Variants in ESRRB observed in about 807,000 individuals in gnomAD.
ESRRB encodes estrogen related receptor beta.
In ESRRB, 16 loss-of-function variants were observed where a neutral mutation model predicts 46.0. The observed-to-expected ratio is 0.35, with a 90% CI of 0.24 to 0.53. The LOEUF (loss-of-function observed/expected upper bound fraction) is 0.53. Ranked by LOEUF, ESRRB falls within the 20% of genes least tolerant of loss-of-function variation. The pLI, the probability that ESRRB is intolerant of heterozygous loss-of-function variation, is 0.93. For missense variants in ESRRB, 488 were observed against 607.4 expected, an observed-to-expected ratio of 0.80 and a Z score of 2.07; for synonymous variants, 246 against 259.6, an observed-to-expected ratio of 0.95 and a Z score of 0.50.
intron 1 of ESRRB, among the ~76,000 whole-genome samples, chr14:76,362,841 T>C (rs913572384): frequency 2.6e-5 from 4 of 152,234 alleles, no homozygotes; most frequent in African/African-American, 7.2e-5. Flanking sequence ...TGTTGCTTTC[T>C]ACAGCAAGTT....
intron 2 of ESRRB, among the ~76,000 whole-genome samples, chr14:76,444,786 A>AT (rs1003777274): frequency 6.6e-6 from 1 of 151,902 alleles, no homozygotes; most frequent in South Asian, 2.1e-4. Context: ...TATTCAGGTC[A>AT]TTTTTTTTAA....
chr14:76,490,204 C>G (rs374032342), intron 5 of ESRRB, among the ~76,000 whole-genome samples: 1 of 152,182 alleles, frequency 6.6e-6, no homozygotes, highest in African/African-American at 2.4e-5. Flanking sequence ...CCAGCATGTC[C>G]GTGTTAGAAC....
intron 1 of ESRRB, among the ~76,000 whole-genome samples, chr14:76,389,810 A>T (rs1177424502): frequency 6.6e-6 from 1 of 152,240 alleles, no homozygotes; most frequent in Non-Finnish European, 1.5e-5. Context: ...ACATTGTATT[A>T]AAAACAAAGG....
chr14:76,400,942 C>G (rs548175872), intron 1 of ESRRB, among the ~76,000 whole-genome samples: 2 of 152,282 alleles, frequency 1.3e-5, no homozygotes, highest in East Asian at 3.9e-4. Context: ...GAGTGTGGTC[C>G]TCTCGCTCTC....
In ESRRB at chr14:76,404,990, A is replaced by G. The variant is rs373183179; in HGVS notation, c.50+28539A>G. ...TCTGGTTGCATCGTTTTCTAAAGCA[A>G]TTTCCTGAGTTTTTGCCCTCCTGTG... On this transcript the variant is annotated intron_variant, in intron 1 of 6. Transcript: ENST00000644823. Among the ~76,000 whole-genome samples the G allele has an allele frequency of 3.3e-4, 50 of 152,248 alleles. 1 individual carries two copies. The highest frequency in any genetic ancestry group is 1.1e-3 in the African/African-American group (46 of 41,562).
intron 1 of ESRRB, among the ~76,000 whole-genome samples, chr14:76,419,304 C>T (rs766803880): frequency 1.5e-4 from 23 of 152,160 alleles, no homozygotes; most frequent in Non-Finnish European, 2.8e-4. Flanking sequence ...AGTGAGCCAC[C>T]GCACACGGCT....
intron 2 of ESRRB, among the ~76,000 whole-genome samples, chr14:76,445,342 A>C (rs1256282587): frequency 4.0e-5 from 6 of 149,868 alleles, no homozygotes; most frequent in Admixed American, 2.7e-4. Flanking sequence ...GTGGTGGCGC[A>C]TGCCTGTAAT....
At position 76,354,253 on chromosome 14, in the gene ESRRB, C is replaced by T. The variant is rs1246247170; in HGVS notation, c.2+43337C>T. 1.5e-4 allele frequency among the ~76,000 whole-genome samples: 21 copies of T among 143,984 alleles called. 2 individuals carry two copies. In the Admixed American group the frequency reaches 1.5e-3, roughly 10 times the overall value. 94.5% of individuals were successfully genotyped at this position (143,984 alleles called of 152,430 possible). A position where few individuals can be genotyped will look rare whatever the true frequency, so the allele number is the denominator to read the frequency against. On this transcript the variant is annotated intron_variant, in intron 1 of 6. Transcript: ENST00000512784. ...CCCCCCCCACCCACACTTCCACCCT[C>T]ACCTCTCCATGTGCCTGTCATTAGT...
At chr14:76,439,804 C>A (rs1035296646) in intron 2 of ESRRB, 54 bp downstream of exon 2, 301 of 1,586,386 alleles carry the variant, frequency 1.9e-4, no homozygotes, top group Middle Eastern at 1.4e-3. Context: ...GGCAGCCGTG[C>A]CTGCGGGTCT....
chr14:76,317,308 CTCTGTGTGTGTGTGTGTG>C (rs1261631956), intron 1 of ESRRB, among the ~76,000 whole-genome samples: 5 of 125,148 alleles, frequency 4.0e-5, no homozygotes, highest in African/African-American at 1.6e-4. Context: ...GCTGATTAGG[CTCTGTGTGTGTGTGTGTG>C]TGTGTGTGTG....
chr14:76,332,756 TATA>T (rs1884043277), intron 1 of ESRRB, among the ~76,000 whole-genome samples: 2 of 13,542 alleles, frequency 1.5e-4, no homozygotes, highest in African/African-American at 2.7e-4. Flanking sequence ...ATATATTATA[TATA>T]AATATATAAT....
intron 1 of ESRRB, among the ~76,000 whole-genome samples, chr14:76,339,676 G>A (rs554209412): frequency 5.3e-5 from 8 of 152,274 alleles, no homozygotes; most frequent in South Asian, 4.1e-4. Flanking sequence ...GGCCAGACTC[G>A]CCTTGGTCTG....
intron 1 of ESRRB, among the ~76,000 whole-genome samples, chr14:76,403,921 GT>G (rs1177605797): frequency 4.6e-5 from 7 of 151,910 alleles, no homozygotes; most frequent in Non-Finnish European, 1.0e-4. Flanking sequence ...GTTTCACCAC[GT>G]TGGCCAGGCT....
intron 5 of ESRRB, 83 bp from the exon 6 acceptor site, chr14:76,491,364 C>T: frequency 1.4e-6 from 2 of 1,450,234 alleles, no homozygotes; most frequent in South Asian, 1.2e-5. Flanking sequence ...CGCCCTGCAA[C>T]CTCTGCCCCC....
chr14:76,499,308 C>T lies in ESRRB; in HGVS notation c.*850C>T. On this transcript the variant is annotated 3_prime_UTR_variant, in exon 7 of 7. Coordinates refer to ENST00000644823, the MANE Select transcript of ESRRB (RefSeq NM_001379180.1). The stretch of plus-strand genomic sequence containing the variant: ...TCCTCCCAAGAACCCTCTCCCTCTT[C>T]CTGCCTTCCCCCTCTCCCTGAAGGG... The T allele has an allele frequency of 4.1e-6, 1 of 241,978 alleles. No homozygotes were observed. The highest frequency in any genetic ancestry group is 6.0e-5 in the South Asian group (1 of 16,694). 15.0% of individuals were successfully genotyped at this position (241,978 alleles called of 1,614,324 possible). A position where few individuals can be genotyped will look rare whatever the true frequency, so the allele number is the denominator to read the frequency against.
At chr14:76,405,463 A>G (rs111329119) in intron 1 of ESRRB, among the ~76,000 whole-genome samples, 52 of 152,226 alleles carry the variant, frequency 3.4e-4, no homozygotes, top group African/African-American at 1.2e-3. Context: ...TGAACCGATA[A>G]TGGGAGTGTT....
At chr14:76,450,219 A>C (rs1888330789) in intron 2 of ESRRB, among the ~76,000 whole-genome samples, 1 of 152,150 alleles carries the variant, frequency 6.6e-6, no homozygotes, top group Non-Finnish European at 1.5e-5. Flanking sequence ...GCTGAAGCTC[A>C]TCAAGGAATC....
chr14:76,496,834 C>G (rs1890450451), intron 6 of ESRRB, among the ~76,000 whole-genome samples: 1 of 152,154 alleles, frequency 6.6e-6, no homozygotes, highest in East Asian at 1.9e-4. Flanking sequence ...CACACCATGG[C>G]CCCCTGGGAG....
intron 6 of ESRRB, among the ~76,000 whole-genome samples, chr14:76,496,787 A>C (rs1381120010): frequency 3.3e-5 from 5 of 152,262 alleles, no homozygotes; most frequent in Admixed American, 3.3e-4. Flanking sequence ...GACGCTGGGC[A>C]GAAGTGCCCA....
Sources: allele counts gnomAD v4.1 joint callset (sites outside exome capture counted in the v4.1 genomes callset), GRCh38; gene constraint gnomAD v4.1.1; transcripts MANE v1.5; gene names NCBI Gene and HGNC (gene_info 2026-07-23, HGNC 2026-07-21).